Variants in TTC17 observed in about 807,000 individuals in gnomAD.
The protein encoded by TTC17 is tetratricopeptide repeat protein 17.
A neutral mutation model predicts 143.8 loss-of-function variants in TTC17; 58 were observed. The ratio of observed to expected loss-of-function variants is 0.40; its 90% CI spans 0.33 to 0.50. The LOEUF is 0.50. Among genes scored for constraint, TTC17 ranks in the 20% least tolerant of loss-of-function variants. The pLI, the probability that TTC17 is intolerant of heterozygous loss-of-function variation, is 0.49. For missense variants in TTC17, 1,273 were observed against 1,392.5 expected, an observed-to-expected ratio of 0.91 and a Z score of 1.37; for synonymous variants, 501 against 497.8, an observed-to-expected ratio of 1.01 and a Z score of -0.09.
chr11:43,375,237 T>A (rs957692743), intron 1 of TTC17, among the ~76,000 whole-genome samples: 8 of 152,160 alleles, frequency 5.3e-5, no homozygotes, highest in Non-Finnish European at 1.0e-4. Context: ...TGGAGTAGTA[T>A]CTCAGAAATA....
At chr11:43,434,839 T>G (rs551006244) in intron 16 of TTC17, among the ~76,000 whole-genome samples, 118 of 152,314 alleles carry the variant, frequency 7.7e-4, no homozygotes, top group African/African-American at 2.8e-3. Flanking sequence ...TATAATAGTG[T>G]AAAAGTGGAA....
chr11:43,469,660 G>A (rs1480558990), intron 21 of TTC17, among the ~76,000 whole-genome samples: 2 of 152,182 alleles, frequency 1.3e-5, no homozygotes, highest in South Asian at 2.1e-4. Flanking sequence ...AACATATAGG[G>A]ATAGAAATCA....
intron 21 of TTC17, among the ~76,000 whole-genome samples, chr11:43,483,339 G>T (rs530721584): frequency 6.6e-6 from 1 of 151,954 alleles, no homozygotes; most frequent in East Asian, 1.9e-4. Flanking sequence ...CTTGAGACGG[G>T]TATAAACTTT....
chr11:43,401,577 T>G lies in TTC17; in HGVS notation c.1332+19T>G. 1 of 1,521,716 alleles carries G rather than the reference T, an allele frequency of 6.6e-7. No homozygotes were observed. Among genetic ancestry groups the G allele is most frequent in the Non-Finnish European group, 9.0e-7 (1 of 1,116,726 alleles). The allele number at this position is 1,521,716 out of a possible 1,614,324, so 94.3% of individuals were successfully genotyped here. On this transcript the variant is annotated intron_variant, in intron 10 of 23. Transcript: ENST00000039989. ...TGTTCAGGTCTTTTTCTTGGTCCAG[T>G]CTAATTCTTATAAACGTTTGCTTTA... is the stretch of plus-strand genomic sequence containing the variant.
intron 16 of TTC17, among the ~76,000 whole-genome samples, chr11:43,415,979 TTTC>T (rs1460786657): frequency 6.6e-6 from 1 of 152,168 alleles, no homozygotes; most frequent in African/African-American, 2.4e-5. Context: ...CTGCCATTAC[TTTC>T]TTTTTTATTT....
chr11:43,445,307 A>G (rs1401115064), intron 18 of TTC17, among the ~76,000 whole-genome samples: 2 of 152,188 alleles, frequency 1.3e-5, no homozygotes, highest in Non-Finnish European at 1.5e-5. Flanking sequence ...TAAATCCTGT[A>G]AAATAATGTA....
intron 16 of TTC17, among the ~76,000 whole-genome samples, chr11:43,423,788 A>G (rs1359285901): frequency 2.0e-5 from 3 of 152,214 alleles, no homozygotes; most frequent in African/African-American, 7.2e-5. Flanking sequence ...TGGAAAAATC[A>G]TGATAGTAAT....
At chr11:43,370,165 G>T in intron 1 of TTC17, 2 of 445,342 alleles carry the variant, frequency 4.5e-6, no homozygotes, top group Non-Finnish European at 9.0e-6. Flanking sequence ...AAACCTCAAA[G>T]AAGATGTAAG....
intron 5 of TTC17, 83 bp downstream of exon 5, chr11:43,392,035 A>G (rs980338895): frequency 1.1e-5 from 16 of 1,468,368 alleles, no homozygotes; most frequent in African/African-American, 4.3e-5. Context: ...CTTGGAAAAT[A>G]CCTGACTAAT....
intron 19 of TTC17, 163 bp from the exon 20 acceptor site, chr11:43,449,919 C>G: frequency 2.7e-6 from 2 of 747,924 alleles, no homozygotes; most frequent in Admixed American, 3.2e-5. Flanking sequence ...AAGAAGAAAT[C>G]CTAGAAGAAA....
At chr11:43,449,350 C>G (rs942228908) in intron 19 of TTC17, 3 of 152,272 alleles carry the variant, frequency 2.0e-5, no homozygotes, top group African/African-American at 7.2e-5. Context: ...CTGGTTAATT[C>G]ATACTAAACC....
intron 16 of TTC17, among the ~76,000 whole-genome samples, chr11:43,438,861 C>G (rs1947351143): frequency 6.6e-6 from 1 of 152,230 alleles, no homozygotes; most frequent in Admixed American, 6.5e-5. Context: ...CACTCCCTCT[C>G]AATAGTGTCC....
intron 21 of TTC17, among the ~76,000 whole-genome samples, chr11:43,453,298 G>A (rs1240164523): frequency 5.9e-5 from 9 of 151,902 alleles, no homozygotes; most frequent in Non-Finnish European, 2.9e-5. Flanking sequence ...TTAAAAGGGT[G>A]CACTGTGTGC....
rs11607970 is a variant in TTC17 at position 43,383,832 on chromosome 11, G to C, written c.249+4510G>C. The stretch of plus-strand genomic sequence containing the variant: ...AAAACATACTGAAATATTTACTGAC[G>C]AAAACCAAAAACAAAAAAAAATAGG... On this transcript the variant is annotated intron_variant, in intron 2 of 23. Transcript: ENST00000039989. 3.3e-5 allele frequency among the ~76,000 whole-genome samples: 5 copies of C among 151,542 alleles called. No individual in the cohort carries two copies. The East Asian group carries it at 9.7e-4, about 29-fold the overall frequency.
intron 2 of TTC17, among the ~76,000 whole-genome samples, chr11:43,379,794 T>G (rs1184465264): frequency 6.6e-6 from 1 of 152,210 alleles, no homozygotes; most frequent in Non-Finnish European, 1.5e-5. Flanking sequence ...ATTAATCACC[T>G]TGTTCCTTGA....
intron 21 of TTC17, among the ~76,000 whole-genome samples, chr11:43,488,101 TGAGCCGTTCTTGAGGAA>T (rs1948411092): frequency 6.6e-6 from 1 of 152,182 alleles, no homozygotes; most frequent in African/African-American, 2.4e-5. Flanking sequence ...ATTGTTCCCA[TGAGCCGTTCTTGAGGAA>T]ACTATTAGAA....
chr11:43,461,486 A>G (rs1216683536), intron 21 of TTC17, among the ~76,000 whole-genome samples: 1 of 152,062 alleles, frequency 6.6e-6, no homozygotes, highest in African/African-American at 2.4e-5. Context: ...ATTCTAAACC[A>G]GCCAAAATGT....
chr11:43,358,950 G>C lies in TTC17; in HGVS notation c.-5G>C, dbSNP rs554932700. 47 of 1,571,286 alleles carry C rather than the reference G, an allele frequency of 3.0e-5. No homozygotes were observed. The highest frequency in any genetic ancestry group is 5.4e-5 in the Admixed American group (3 of 55,250). ...CGGTGTGAGCGGCCCGGCCGGGGGGGCAAGATGGCGGCGGCAGTAGGGGTT... is the reference window on the plus strand; with the variant it reads ...CGGTGTGAGCGGCCCGGCCGGGGGGCCAAGATGGCGGCGGCAGTAGGGGTT... On this transcript the variant is annotated 5_prime_UTR_variant, in exon 1 of 24. Coordinates refer to ENST00000039989, the MANE Select transcript of TTC17 (RefSeq NM_018259.6).
At chr11:43,394,560 G>A (rs966841892) in intron 5 of TTC17, among the ~76,000 whole-genome samples, 5 of 152,064 alleles carry the variant, frequency 3.3e-5, no homozygotes, top group Non-Finnish European at 5.9e-5. Flanking sequence ...GGGATTGAAG[G>A]CAAAAGAGGA....
Sources: gnomAD v4.1 joint callset for allele counts (sites outside exome capture counted in the v4.1 genomes callset) on GRCh38, gnomAD v4.1.1 for gene constraint, MANE v1.5 for transcripts, NCBI Gene and HGNC (gene_info 2026-07-23, HGNC 2026-07-21) for gene names.